Variants in MARCHF1 observed in about 807,000 individuals in gnomAD.
The protein encoded by MARCHF1 is E3 ubiquitin-protein ligase MARCHF1.
In MARCHF1, 40 loss-of-function variants were observed where a neutral mutation model predicts 54.2. That is an observed-to-expected ratio of 0.74 (90% CI 0.57 to 0.96). MARCHF1 has a LOEUF of 0.96. Among genes scored for constraint, MARCHF1 ranks in the 40% least tolerant of loss-of-function variants. The pLI is 0.00. For missense variants in MARCHF1, 586 were observed against 656.5 expected, an observed-to-expected ratio of 0.89 and a Z score of 1.17; for synonymous variants, 236 against 236.3, an observed-to-expected ratio of 1.00 and a Z score of 0.01.
intron 1 of MARCHF1, among the ~76,000 whole-genome samples, chr4:164,227,235 G>T (rs4599362): frequency 0.48 from 73,182 of 151,808 alleles, 19,831 homozygotes; most frequent in Non-Finnish European, 0.63. Context: ...AGGGCAGCAG[G>T]AGAAAGAATG....
intron 5 of MARCHF1, among the ~76,000 whole-genome samples, chr4:163,689,194 T>C (rs1311736861): frequency 1.3e-5 from 2 of 152,158 alleles, no homozygotes; most frequent in African/African-American, 4.8e-5. Context: ...TGGTCAATAG[T>C]TTTTAATCTT....
chr4:164,309,286 G>GCA (rs1560996877), intron 1 of MARCHF1, among the ~76,000 whole-genome samples: 16 of 151,690 alleles, frequency 1.1e-4, no homozygotes, highest in East Asian at 3.9e-4. Flanking sequence ...GTGTGTGTGC[G>GCA]CGTGTGTGTC....
chr4:163,921,984 G>T (rs1579394030), intron 3 of MARCHF1, among the ~76,000 whole-genome samples: 1 of 152,084 alleles, frequency 6.6e-6, no homozygotes, highest in East Asian at 1.9e-4. Context: ...GTCCAACAAT[G>T]ATAGACTGGA....
intron 1 of MARCHF1, among the ~76,000 whole-genome samples, chr4:164,233,997 A>T (rs949003981): frequency 1.7e-4 from 26 of 152,138 alleles, no homozygotes; most frequent in African/African-American, 6.3e-4. Flanking sequence ...CAAATAGCAA[A>T]TTATTTCTGA....
At chr4:163,664,082 T>C (rs1466840984) in intron 5 of MARCHF1, among the ~76,000 whole-genome samples, 1 of 152,012 alleles carries the variant, frequency 6.6e-6, no homozygotes, top group Non-Finnish European at 1.5e-5. Flanking sequence ...TCATAGGCAA[T>C]GGAATCTAAA....
chr4:163,658,486 G>T (rs959388076), intron 5 of MARCHF1, among the ~76,000 whole-genome samples: 2 of 152,058 alleles, frequency 1.3e-5, no homozygotes, highest in Non-Finnish European at 2.9e-5. Flanking sequence ...GTAGAAGACA[G>T]TGTGGCAATT....
chr4:164,188,735 G>A (rs1731044456), intron 1 of MARCHF1: 1 of 1,029,430 alleles, frequency 9.7e-7, no homozygotes, highest in Non-Finnish European at 1.5e-6. Context: ...GTTCAAGGTA[G>A]TTGAAAAGAA....
intron 2 of MARCHF1, among the ~76,000 whole-genome samples, chr4:164,059,785 A>T (rs2111064818): frequency 6.6e-6 from 1 of 152,300 alleles, no homozygotes; most frequent in South Asian, 2.1e-4. Context: ...CTGATGATTT[A>T]TAATGGTCCG....
chr4:163,985,974 T>C (rs1042023475), intron 3 of MARCHF1, among the ~76,000 whole-genome samples: 2 of 152,154 alleles, frequency 1.3e-5, no homozygotes, highest in Non-Finnish European at 1.5e-5. Context: ...AAAACACAGA[T>C]GTATGCTGTT....
chr4:163,839,444 G>T (rs141803165), intron 4 of MARCHF1, among the ~76,000 whole-genome samples: 9 of 151,918 alleles, frequency 5.9e-5, no homozygotes, highest in African/African-American at 2.2e-4. Context: ...ATTCAGAATC[G>T]CCAAGAAGTG....
intron 3 of MARCHF1, among the ~76,000 whole-genome samples, chr4:163,952,857 G>A (rs1190092660): frequency 6.6e-6 from 1 of 152,128 alleles, no homozygotes; most frequent in East Asian, 1.9e-4. Flanking sequence ...GAAATGGCAG[G>A]TGAGAAGCTC....
intron 1 of MARCHF1, chr4:164,188,429 G>A: frequency 1.7e-6 from 1 of 596,588 alleles, no homozygotes. Context: ...ACTCGGTGAG[G>A]CGTGGTTCGA....
At chr4:163,944,540 A>G (rs1037417345) in intron 3 of MARCHF1, among the ~76,000 whole-genome samples, 25 of 152,122 alleles carry the variant, frequency 1.6e-4, no homozygotes, top group Non-Finnish European at 2.9e-4. Flanking sequence ...CTGGTTGGCC[A>G]AGGCTGTATT....
rs946862658 is a variant in MARCHF1 at position 163,818,707 on chromosome 4, T to A, written c.111+35314A>T. Among the ~76,000 whole-genome samples the A allele has an allele frequency of 2.3e-4, 35 of 152,024 alleles. 1 individual carries two copies. On this transcript the variant is annotated intron_variant, in intron 4 of 9. Coordinates refer to ENST00000514618, the MANE Select transcript of MARCHF1 (RefSeq NM_001394959.1). ...ATATCCTCAGGCTCTTCTCAAAATA[T>A]TCCTTTTCTCCAGGTTTTAATTGAC... is the stretch of plus-strand genomic sequence containing the variant.
In MARCHF1 at chr4:164,083,107, A is replaced by T. The variant is rs117977016; in HGVS notation, c.-248+28481T>A. Reference sequence around the variant, plus strand: ...CATTTCTTTCCCTTTCTTAGAGCACATGGCATTTTAGCTACATCCTAAGGA... The same window carrying T: ...CATTTCTTTCCCTTTCTTAGAGCACTTGGCATTTTAGCTACATCCTAAGGA... On this transcript the variant is annotated intron_variant, in intron 2 of 9. Coordinates refer to ENST00000514618, the MANE Select transcript of MARCHF1 (RefSeq NM_001394959.1). 4.7e-4 allele frequency among the ~76,000 whole-genome samples: 71 copies of T among 152,264 alleles called. No individual in the cohort carries two copies. The East Asian group carries it at 0.014, about 29-fold the overall frequency.
chr4:164,229,586 C>G (rs909471364), intron 1 of MARCHF1, among the ~76,000 whole-genome samples: 2 of 152,104 alleles, frequency 1.3e-5, no homozygotes, highest in African/African-American at 4.8e-5. Flanking sequence ...TCCCACATAG[C>G]TATAAAGAAA....
chr4:164,295,847 G>T (rs147461533), intron 1 of MARCHF1, among the ~76,000 whole-genome samples: 275 of 152,244 alleles, frequency 1.8e-3, no homozygotes, highest in African/African-American at 6.4e-3. Flanking sequence ...AGCAAGAGGG[G>T]TGAAGGAAGG....
At chr4:163,840,537 C>T (rs571978508) in intron 4 of MARCHF1, among the ~76,000 whole-genome samples, 3 of 152,100 alleles carry the variant, frequency 2.0e-5, no homozygotes, top group South Asian at 2.1e-4. Context: ...TTGAAGAAAA[C>T]GTCACTTTGT....
At position 163,813,774 on chromosome 4, in the gene MARCHF1, G is replaced by A. The variant is rs116320394; in HGVS notation, c.111+40247C>T. Among the ~76,000 whole-genome samples, 826 of 152,272 alleles carry A rather than the reference G, an allele frequency of 5.4e-3. 5 individuals are homozygous for A. Among genetic ancestry groups the A allele is most frequent in the Non-Finnish European group, 8.7e-3 (590 of 68,026 alleles). ...CATGACTCTAAAATTGTTTGCGGCC[G>A]ATATGGTGTTGGGAGAAGCTGAGTG... On this transcript the variant is annotated intron_variant, in intron 4 of 9. Coordinates refer to ENST00000514618, the MANE Select transcript of MARCHF1 (RefSeq NM_001394959.1).
Sources: gnomAD v4.1 joint callset for allele counts (sites outside exome capture counted in the v4.1 genomes callset) on GRCh38, gnomAD v4.1.1 for gene constraint, MANE v1.5 for transcripts, NCBI Gene and HGNC (gene_info 2026-07-23, HGNC 2026-07-21) for gene names.